Variants in LRMDA observed in about 807,000 individuals in gnomAD.
The protein encoded by LRMDA is leucine rich melanocyte differentiation associated.
A neutral mutation model predicts 29.8 loss-of-function variants in LRMDA; 18 were observed. That is an observed-to-expected ratio of 0.60 (90% CI 0.42 to 0.90). The LOEUF is 0.90. Ranked by LOEUF, LRMDA falls within the 40% of genes least tolerant of loss-of-function variation. LRMDA has a pLI of 0.00. For synonymous variants in LRMDA, 125 were observed against 109.4 expected, an observed-to-expected ratio of 1.14 and a Z score of -0.89; for missense variants, 273 against 273.9, an observed-to-expected ratio of 1.00 and a Z score of 0.02.
intron 2 of LRMDA, among the ~76,000 whole-genome samples, chr10:75,777,163 C>T (rs1240716149): frequency 1.3e-5 from 2 of 152,140 alleles, no homozygotes; most frequent in African/African-American, 4.8e-5. Flanking sequence ...TACAGGCTGC[C>T]GAGCTGTGCA....
intron 5 of LRMDA, among the ~76,000 whole-genome samples, chr10:76,156,367 A>C (rs1850537907): frequency 6.6e-6 from 1 of 152,166 alleles, no homozygotes; most frequent in African/African-American, 2.4e-5. Context: ...CTATGAAAAA[A>C]ACCGACTGTT....
chr10:75,995,209 C>A (rs1022125784), intron 2 of LRMDA, among the ~76,000 whole-genome samples: 3 of 152,162 alleles, frequency 2.0e-5, no homozygotes, highest in African/African-American at 7.2e-5. Flanking sequence ...CAAGAAGGAA[C>A]TAGTAGGCGT....
chr10:76,525,353 C>T (rs75026541), intron 6 of LRMDA, among the ~76,000 whole-genome samples: 2,982 of 152,256 alleles, frequency 0.02, 97 homozygotes, highest in African/African-American at 0.067. Context: ...AAAACCGAAG[C>T]ATGGCTCACT....
intron 2 of LRMDA, among the ~76,000 whole-genome samples, chr10:75,493,345 T>C (rs1013619491): frequency 3.5e-5 from 2 of 56,866 alleles, no homozygotes; most frequent in Non-Finnish European, 7.0e-5. Context: ...AGGGTTGAGA[T>C]TGGGTGTGTG....
At chr10:76,312,966 A>C (rs912503214) in intron 5 of LRMDA, among the ~76,000 whole-genome samples, 8 of 152,132 alleles carry the variant, frequency 5.3e-5, no homozygotes, top group Non-Finnish European at 1.0e-4. Flanking sequence ...TGAAGTAAGA[A>C]TAAATCATAG....
At position 76,116,914 on chromosome 10, in the gene LRMDA, A is replaced by G. The variant is rs532290082; in HGVS notation, c.516+58131A>G. Among the ~76,000 whole-genome samples, 100 of 152,004 alleles carry G rather than the reference A, an allele frequency of 6.6e-4. 1 individual carries two copies. The highest frequency in any genetic ancestry group is 1.9e-3 in the Admixed American group (29 of 15,260). ...GTCTGGGAGAACTTTCATCTCAGCC[A>G]TTTTCCAGGGCTCTCTTGGGTAACC... On this transcript the variant is annotated intron_variant, in intron 5 of 6. Coordinates refer to ENST00000611255, the MANE Select transcript of LRMDA (RefSeq NM_001305581.2).
chr10:75,638,817 T>C (rs955725777), intron 2 of LRMDA, among the ~76,000 whole-genome samples: 16 of 152,248 alleles, frequency 1.1e-4, no homozygotes, highest in African/African-American at 3.4e-4. Context: ...TCAGGTTTAG[T>C]TGTGTTTTTT....
At chr10:75,885,848 G>A (rs1003809943) in intron 2 of LRMDA, among the ~76,000 whole-genome samples, 21 of 152,240 alleles carry the variant, frequency 1.4e-4, no homozygotes, top group Non-Finnish European at 2.9e-5. Context: ...GAGCTCCATT[G>A]CAGCAGGGAC....
At chr10:76,349,902 A>G (rs1423335998) in intron 6 of LRMDA, among the ~76,000 whole-genome samples, 1 of 152,140 alleles carries the variant, frequency 6.6e-6, no homozygotes, top group Admixed American at 6.6e-5. Flanking sequence ...TATGAACTAT[A>G]CTCATAGCAT....
At chr10:76,520,370 T>C (rs997025962) in intron 6 of LRMDA, among the ~76,000 whole-genome samples, 42 of 152,096 alleles carry the variant, frequency 2.8e-4, no homozygotes, top group African/African-American at 9.4e-4. Context: ...TTTTTGCTCC[T>C]TTTTATTGGA....
At chr10:75,548,537 A>G (rs1267456274) in intron 2 of LRMDA, among the ~76,000 whole-genome samples, 1 of 152,134 alleles carries the variant, frequency 6.6e-6, no homozygotes, top group African/African-American at 2.4e-5. Context: ...TATCTTAAAC[A>G]ATGAGGGGTA....
intron 2 of LRMDA, among the ~76,000 whole-genome samples, chr10:75,474,684 C>T (rs1250595980): frequency 6.6e-6 from 1 of 152,182 alleles, no homozygotes; most frequent in Non-Finnish European, 1.5e-5. Flanking sequence ...GGAGGGTAGT[C>T]AGAGTGGGAT....
chr10:76,150,905 G>A (rs938119052), intron 5 of LRMDA, among the ~76,000 whole-genome samples: 2 of 152,062 alleles, frequency 1.3e-5, no homozygotes, highest in African/African-American at 2.4e-5. Context: ...TTAAACCTTC[G>A]AGAGCTTGCG....
chr10:76,260,653 T>G (rs1429468050), intron 5 of LRMDA: 3 of 152,224 alleles, frequency 2.0e-5, no homozygotes, highest in Non-Finnish European at 4.4e-5. Context: ...TTGAGTATAA[T>G]GTGCCTCCAA....
chr10:76,110,786 C>A (rs755677003), intron 5 of LRMDA, among the ~76,000 whole-genome samples: 1 of 152,052 alleles, frequency 6.6e-6, no homozygotes, highest in Non-Finnish European at 1.5e-5. Context: ...AACTGTAAGT[C>A]GAATTAAATC....
At chr10:76,168,041 C>A (rs925745721) in intron 5 of LRMDA, among the ~76,000 whole-genome samples, 3 of 151,842 alleles carry the variant, frequency 2.0e-5, no homozygotes, top group Non-Finnish European at 4.4e-5. Flanking sequence ...GTAGGGAATC[C>A]AATTTCAAAA....
chr10:76,415,398 G>T (rs1842003967), intron 6 of LRMDA, among the ~76,000 whole-genome samples: 1 of 152,050 alleles, frequency 6.6e-6, no homozygotes, highest in Non-Finnish European at 1.5e-5. Flanking sequence ...TTTTTGAGAA[G>T]TAGCTTAGTA....
chr10:76,175,128 A>G (rs1850909631), intron 5 of LRMDA, among the ~76,000 whole-genome samples: 1 of 152,184 alleles, frequency 6.6e-6, no homozygotes, highest in South Asian at 2.1e-4. Flanking sequence ...TCTCCAAAAA[A>G]AAAGAAGATT....
intron 2 of LRMDA, among the ~76,000 whole-genome samples, chr10:75,501,222 T>C (rs1213470861): frequency 6.6e-6 from 1 of 152,206 alleles, no homozygotes; most frequent in African/African-American, 2.4e-5. Flanking sequence ...TTTTAATCAA[T>C]GATAATAGTC....
Sources: allele counts gnomAD v4.1 joint callset (sites outside exome capture counted in the v4.1 genomes callset), GRCh38; gene constraint gnomAD v4.1.1; transcripts MANE v1.5; gene names NCBI Gene and HGNC (gene_info 2026-07-23, HGNC 2026-07-21).